Variants in AGBL1 observed in about 807,000 individuals in gnomAD.
The protein encoded by AGBL1 is AGBL carboxypeptidase 1, also known as cytosolic carboxypeptidase 4.
Under a neutral mutation model 118.9 loss-of-function variants are expected in AGBL1, and 130 were observed. The observed-to-expected ratio is 1.09, with a 90% CI of 0.95 to 1.26. The LOEUF is 1.26. Ranked by LOEUF, AGBL1 falls within the 50% of genes most tolerant of loss-of-function variation. The pLI, the probability that AGBL1 is intolerant of heterozygous loss-of-function variation, is 0.00. For synonymous variants in AGBL1, 555 were observed against 478.9 expected (o/e 1.16, Z -2.08); for missense variants, 1,584 against 1,298.1 (o/e 1.22, Z -3.38).
At chr15:86,643,262 T>C (rs1358575534) in intron 21 of AGBL1, among the ~76,000 whole-genome samples, 1 of 152,192 alleles carries the variant, frequency 6.6e-6, no homozygotes, top group African/African-American at 2.4e-5. Flanking sequence ...TCACATACTT[T>C]TTCATGTTTA....
chr15:86,730,616 A>G (rs371404476), intron 22 of AGBL1, among the ~76,000 whole-genome samples: 1 of 152,106 alleles, frequency 6.6e-6, no homozygotes, highest in African/African-American at 2.4e-5. Context: ...CTTTCCTGGT[A>G]GCCTTGACTA....
chr15:86,407,024 CCTT>C (rs1486958260), intron 18 of AGBL1, among the ~76,000 whole-genome samples: 1 of 152,142 alleles, frequency 6.6e-6, no homozygotes, highest in African/African-American at 2.4e-5. Context: ...AGATTACCCT[CCTT>C]AGAAAATTCA....
At chr15:86,944,186 C>G (rs2080789183) in intron 23 of AGBL1, among the ~76,000 whole-genome samples, 1 of 151,946 alleles carries the variant, frequency 6.6e-6, no homozygotes, top group Admixed American at 6.6e-5. Context: ...GCCTGACCAA[C>G]ATGGAGAAAC....
rs1049380139 is a variant in AGBL1, at chr15:86,530,209, A to C, written c.2685+7270A>C. ...ACCCATCAGTGTGGTGTATTCAGGA[A>C]ACCCATCTCACGTGCAGAGACACAC... On this transcript the variant is annotated intron_variant, in intron 19 of 22. Transcript: ENST00000614907. Among the ~76,000 whole-genome samples, 17 of 140,492 alleles carry C rather than the reference A, an allele frequency of 1.2e-4. 1 individual carries two copies. The highest frequency in any genetic ancestry group is 5.4e-4 in the African/African-American group (17 of 31,550). 92.2% of individuals were successfully genotyped at this position (140,492 alleles called of 152,430 possible).
In AGBL1 at chr15:86,236,952, C is replaced by A. The variant is rs145140109; in HGVS notation, c.527-10719C>A. Among the ~76,000 whole-genome samples, 27 of 10,304 alleles carry A rather than the reference C, an allele frequency of 2.6e-3. 4 individuals are homozygous for A. The highest frequency in any genetic ancestry group is 0.012 in the African/African-American group (25 of 2,068). The allele number at this position is 10,304 out of a possible 152,430, so 6.8% of individuals were successfully genotyped here. A position where few individuals can be genotyped will look rare whatever the true frequency, so the allele number is the denominator to read the frequency against. Reference sequence around the variant, plus strand: ...GTGGGCGGGGGGGGGCGGGGGGGGGCGGGGGGGCGCCAAGTTGCCAGGCAC... The same window carrying A: ...GTGGGCGGGGGGGGGCGGGGGGGGGAGGGGGGGCGCCAAGTTGCCAGGCAC... On this transcript the variant is annotated intron_variant, in intron 6 of 22. Coordinates refer to ENST00000614907, the MANE Select transcript of AGBL1 (RefSeq NM_001386094.1).
At chr15:86,236,214 T>C (rs1331107632) in intron 6 of AGBL1, among the ~76,000 whole-genome samples, 1 of 152,158 alleles carries the variant, frequency 6.6e-6, no homozygotes, top group Non-Finnish European at 1.5e-5. Flanking sequence ...TGCTCAGCCT[T>C]TTTCTTAGCC....
At chr15:86,673,574 T>A (rs1285038282) in intron 21 of AGBL1, among the ~76,000 whole-genome samples, 4 of 152,130 alleles carry the variant, frequency 2.6e-5, no homozygotes, top group African/African-American at 9.7e-5. Context: ...AAAAGAACAA[T>A]CTCTACCTCA....
intron 22 of AGBL1, among the ~76,000 whole-genome samples, chr15:86,744,955 C>T (rs1052180341): frequency 6.6e-6 from 1 of 152,120 alleles, no homozygotes; most frequent in Non-Finnish European, 1.5e-5. Flanking sequence ...CCATTGATCT[C>T]TCTCGAGAAG....
intron 22 of AGBL1, among the ~76,000 whole-genome samples, chr15:86,744,599 A>G (rs1024334208): frequency 6.6e-6 from 1 of 152,124 alleles, no homozygotes; most frequent in Admixed American, 6.6e-5. Context: ...ATAGATCAAC[A>G]TTAGACTAAG....
intron 18 of AGBL1, among the ~76,000 whole-genome samples, chr15:86,426,037 T>C (rs767190444): frequency 1.6e-4 from 25 of 152,268 alleles, no homozygotes; most frequent in Admixed American, 5.9e-4. Context: ...AAACATTTTT[T>C]TCAAAGCATC....
chr15:86,271,035 C>T (rs75959570), intron 14 of AGBL1, among the ~76,000 whole-genome samples: 2,123 of 143,282 alleles, frequency 0.015, 43 homozygotes, highest in Non-Finnish European at 0.018. Flanking sequence ...CTGCTTCAGT[C>T]ACGTTGCATT....
At chr15:86,087,332 C>CTTT (rs565797859) in intron 1 of AGBL1, among the ~76,000 whole-genome samples, 2 of 135,518 alleles carry the variant, frequency 1.5e-5, no homozygotes, top group African/African-American at 2.7e-5. Context: ...ATTTAATGGG[C>CTTT]TTTTTTTTTT....
At chr15:87,004,689 T>C (rs974185412) in intron 24 of AGBL1, among the ~76,000 whole-genome samples, 1 of 152,218 alleles carries the variant, frequency 6.6e-6, no homozygotes, top group African/African-American at 2.4e-5. Context: ...CCCATTTACA[T>C]TTAAGGTTAA....
At chr15:86,199,208 TATAG>T (rs200504789) in intron 5 of AGBL1, among the ~76,000 whole-genome samples, 2,228 of 152,360 alleles carry the variant, frequency 0.015, 27 homozygotes, top group Non-Finnish European at 0.02. Flanking sequence ...ATAAAGGTTA[TATAG>T]ATAGATTGTG....
At chr15:86,649,471 C>G (rs1046036157) in intron 21 of AGBL1, among the ~76,000 whole-genome samples, 2 of 152,110 alleles carry the variant, frequency 1.3e-5, no homozygotes, top group Non-Finnish European at 2.9e-5. Flanking sequence ...AATTTTCAGT[C>G]ATGAATTTGA....
Position 86,712,896 on chromosome 15 carries a change from C to T in AGBL1, c.3158+38460C>T, listed in dbSNP as rs549562006. ...CACCCTCTGGGATGGGGCTCCTGCC[C>T]TCTCCAGCCTCATTCCATGGTTCCC... On this transcript the variant is annotated intron_variant, in intron 22 of 22. Transcript: ENST00000614907. Among the ~76,000 whole-genome samples the T allele has an allele frequency of 7.2e-5, 11 of 152,294 alleles. 1 individual carries two copies. The South Asian group carries it at 2.1e-3, about 29-fold the overall frequency.
rs985409014 is a variant in AGBL1, at chr15:86,250,980, G to A, written c.735+3101G>A. On this transcript the variant is annotated intron_variant, in intron 7 of 22. Transcript: ENST00000614907. ...CAGTGATAGTGATGACAATGTTAATGAAGCAGCAGCAGCAGAGGGAGGAGG... is the reference window on the plus strand; with the variant it reads ...CAGTGATAGTGATGACAATGTTAATAAAGCAGCAGCAGCAGAGGGAGGAGG... Among the ~76,000 whole-genome samples, 11 of 152,214 alleles carry A rather than the reference G, an allele frequency of 7.2e-5. 1 individual carries two copies. In the Middle Eastern group the frequency reaches 0.031, roughly 424 times the overall value.
At chr15:86,705,604 T>C (rs1247891747) in intron 22 of AGBL1, among the ~76,000 whole-genome samples, 1 of 152,164 alleles carries the variant, frequency 6.6e-6, no homozygotes, top group Non-Finnish European at 1.5e-5. Flanking sequence ...TTGAGACTGC[T>C]AGTGGTTATG....
chr15:86,256,915 G>A lies in AGBL1; in HGVS notation c.798G>A (p.Gln266=). The change falls in exon 8 of 23, where the codon CAG becomes CAA. Residue 266 remains glutamine (Q), a synonymous_variant. Transcript: ENST00000614907. The part of the protein sequence containing the change: ...VISVVLQILR[Q]CYPTSPLPLV... ...CTGTGGTGCTTCAGATCCTGAGGCAGTGCTACCCTACGAGTCCACTTCCCT... is the reference window on the plus strand; with the variant it reads ...CTGTGGTGCTTCAGATCCTGAGGCAATGCTACCCTACGAGTCCACTTCCCT... The A allele has an allele frequency of 6.2e-7, 1 of 1,613,946 alleles. No homozygotes were observed. The highest frequency in any genetic ancestry group is 8.5e-7 in the Non-Finnish European group (1 of 1,179,874).
Sources: gnomAD v4.1 joint callset for allele counts (sites outside exome capture counted in the v4.1 genomes callset) on GRCh38, gnomAD v4.1.1 for gene constraint, MANE v1.5 for transcripts, NCBI Gene and HGNC (gene_info 2026-07-23, HGNC 2026-07-21) for gene names.